AREL1: variants seen among roughly 807,000 people sequenced by gnomAD.
AREL1 encodes the protein apoptosis resistant E3 ubiquitin protein ligase 1.
In AREL1, 62 loss-of-function variants were observed where a neutral mutation model predicts 99.0. That is an observed-to-expected ratio of 0.63 (90% CI 0.51 to 0.77). The LOEUF (loss-of-function observed/expected upper bound fraction) is 0.77, where lower values mean the gene tolerates loss of function less well. AREL1 is among the 30% of genes least tolerant of loss of function. The probability of loss-of-function intolerance (pLI) is 0.00; values close to 1 mark genes in which losing one functional copy is unlikely to be tolerated. For missense variants in AREL1, 879 were observed against 1,027.6 expected (o/e 0.86, Z 1.98); for synonymous variants, 380 against 376.5 (o/e 1.01, Z -0.11).
chr14:74,685,984 C>T (rs1052903540), intron 2 of AREL1, among the ~76,000 whole-genome samples: 1 of 152,212 alleles, frequency 6.6e-6, no homozygotes, highest in South Asian at 2.1e-4. Flanking sequence ...CAGTTTCCCT[C>T]CCTCATGCAA....
At chr14:74,672,040 T>C (rs757574280) in intron 11 of AREL1, 19 of 454,104 alleles carry the variant, frequency 4.2e-5, no homozygotes, top group South Asian at 2.6e-4. Flanking sequence ...GTAAGAACTA[T>C]GCCAGTGTCT....
intron 5 of AREL1, among the ~76,000 whole-genome samples, chr14:74,681,192 A>G (rs1211755706): frequency 6.6e-6 from 1 of 152,098 alleles, no homozygotes; most frequent in Non-Finnish European, 1.5e-5. Flanking sequence ...TCTCAAAAAC[A>G]ACAAAACATT....
Position 74,680,999 on chromosome 14 carries a change from A to G in AREL1, c.481+2297T>C, listed in dbSNP as rs1005219280. ...GGAGTTAGAAACCAGCTTGGTTAAC[A>G]TAATGAGACTGTCTCTACAAAACAA... On this transcript the variant is annotated intron_variant, in intron 5 of 19. Coordinates refer to ENST00000356357, the MANE Select transcript of AREL1 (RefSeq NM_001039479.2). 6.6e-5 allele frequency among the ~76,000 whole-genome samples: 10 copies of G among 152,142 alleles called. No individual in the cohort carries two copies. In the East Asian group the frequency reaches 1.7e-3, roughly 26 times the overall value.
intron 1 of AREL1, among the ~76,000 whole-genome samples, chr14:74,704,256 A>G (rs1327870727): frequency 6.6e-6 from 1 of 152,160 alleles, no homozygotes; most frequent in Non-Finnish European, 1.5e-5. Context: ...GTCTCAGTTA[A>G]TTTAGAAAGT....
chr14:74,688,963 A>G (rs1209028808), intron 2 of AREL1, among the ~76,000 whole-genome samples: 1 of 150,902 alleles, frequency 6.6e-6, no homozygotes, highest in Non-Finnish European at 1.5e-5. Flanking sequence ...CAGCCTCCCG[A>G]GTAGCTGGGA....
At chr14:74,675,283 A>C (rs2089445352) in intron 8 of AREL1, among the ~76,000 whole-genome samples, 1 of 152,226 alleles carries the variant, frequency 6.6e-6, no homozygotes, top group Non-Finnish European at 1.5e-5. Flanking sequence ...GATTAAAGAG[A>C]TGCAATGGGA....
intron 1 of AREL1, among the ~76,000 whole-genome samples, chr14:74,693,627 G>T (rs1313802053): frequency 6.6e-6 from 1 of 152,154 alleles, no homozygotes; most frequent in Non-Finnish European, 1.5e-5. Context: ...TTTTACAGAT[G>T]AGGAAACTGG....
At position 74,690,112 on chromosome 14, in the gene AREL1, G is replaced by A. The variant is rs73301921; in HGVS notation, c.-46+1929C>T. Among the ~76,000 whole-genome samples the A allele has an allele frequency of 3.7e-3, 560 of 151,652 alleles. 5 individuals carry two copies. The highest frequency in any genetic ancestry group is 0.013 in the African/African-American group (533 of 41,400). On this transcript the variant is annotated intron_variant, in intron 2 of 19. Transcript: ENST00000356357. ...AAACTTGAAAACAAATTAGCTGGGC[G>A]TGCTGGCACACACCTATATCCAAGC...
chr14:74,690,870 C>T (rs1397737917), intron 2 of AREL1, among the ~76,000 whole-genome samples: 1 of 152,140 alleles, frequency 6.6e-6, no homozygotes, highest in African/African-American at 2.4e-5. Context: ...GCCTTCAGTG[C>T]TTTACATATG....
intron 11 of AREL1, 41 bp from the exon 12 acceptor site, chr14:74,671,524 C>T (rs377717041): frequency 7.4e-7 from 1 of 1,353,800 alleles, no homozygotes; most frequent in Non-Finnish European, 1.0e-6. Flanking sequence ...AGAACACTGG[C>T]TGGTGTCCTC....
chr14:74,681,662 A>G (rs1037974479), intron 5 of AREL1, among the ~76,000 whole-genome samples: 1 of 151,800 alleles, frequency 6.6e-6, no homozygotes, highest in African/African-American at 2.4e-5. Flanking sequence ...AATCCCAGCT[A>G]CTCAGCGTGA....
intron 17 of AREL1, among the ~76,000 whole-genome samples, chr14:74,666,808 C>T (rs2089220102): frequency 6.6e-6 from 1 of 151,508 alleles, no homozygotes; most frequent in Admixed American, 6.6e-5. Context: ...CAACTTCCGC[C>T]TCCGGGGTTC....
intron 5 of AREL1, among the ~76,000 whole-genome samples, chr14:74,677,092 C>T (rs2089502780): frequency 6.6e-6 from 1 of 151,982 alleles, no homozygotes; most frequent in Non-Finnish European, 1.5e-5. Flanking sequence ...AGCCACCACG[C>T]CCGGCTGGAA....
At chr14:74,710,800 G>A (rs2090266332) in intron 1 of AREL1, among the ~76,000 whole-genome samples, 2 of 152,336 alleles carry the variant, frequency 1.3e-5, no homozygotes, top group Non-Finnish European at 2.9e-5. Flanking sequence ...GTGCCTGAAA[G>A]AGAAAGGAGA....
intron 2 of AREL1, among the ~76,000 whole-genome samples, chr14:74,688,359 G>T (rs1223991577): frequency 1.3e-5 from 2 of 152,016 alleles, no homozygotes; most frequent in Non-Finnish European, 2.9e-5. Context: ...GTACAGGGAG[G>T]ACAAATTAGA....
At chr14:74,687,254 G>A (rs2089768895) in intron 2 of AREL1, among the ~76,000 whole-genome samples, 1 of 152,162 alleles carries the variant, frequency 6.6e-6, no homozygotes, top group Non-Finnish European at 1.5e-5. Flanking sequence ...AGTGCCAAAT[G>A]TATGGCTTGA....
rs1379463880 is a variant in AREL1, at chr14:74,673,065, G to C, written c.1300+12C>G. ...TCACTACCTTCCCTATAGAATCCCT[G>C]TGTAACCTCACCTATGTTCTTATGC... On this transcript the variant is annotated intron_variant, in intron 10 of 19. Coordinates refer to ENST00000356357, the MANE Select transcript of AREL1 (RefSeq NM_001039479.2). The C allele has an allele frequency of 6.2e-7, 1 of 1,614,110 alleles. No homozygotes were observed. Among genetic ancestry groups the C allele is most frequent in the African/African-American group, 1.3e-5 (1 of 75,022 alleles).
At position 74,676,627 on chromosome 14, in the gene AREL1, TG is replaced by T; in HGVS notation, c.606del (p.Met203CysfsTer3). Reference sequence around the variant, plus strand: ...TAATTGTGCTCATCTCTCAAGGACATGGAATTGTTGGTGGGATTATCATACT... The same window carrying T: ...TAATTGTGCTCATCTCTCAAGGACATGAATTGTTGGTGGGATTATCATACT... ...RDEYDNPTNN[S>X]MSLRDEHNYT... On this transcript the variant is annotated frameshift_variant, in exon 6 of 20. Transcript: ENST00000356357. LOFTEE classifies it high-confidence loss of function. 1 of 1,613,996 alleles carries T rather than the reference TG, an allele frequency of 6.2e-7. No individual in the cohort carries two copies. The highest frequency in any genetic ancestry group is 8.5e-7 in the Non-Finnish European group (1 of 1,179,974).
rs1344682335 is a variant in AREL1 at position 74,692,275 on chromosome 14, T to C, written c.-280A>G. 1.5e-5 allele frequency: 7 copies of C among 456,492 alleles called. No homozygotes were observed. The highest frequency in any genetic ancestry group is 3.1e-5 in the Non-Finnish European group (7 of 226,968). The allele number at this position is 456,492 out of a possible 1,614,324, so 28.3% of individuals were successfully genotyped here. On this transcript the variant is annotated 5_prime_UTR_variant, in exon 2 of 20. Transcript: ENST00000356357. ...ATACAGCCCAAGAATATATCATTCC[T>C]GGACTTCTCTCTAGTGCAGGGTGCA...
Sources: allele counts gnomAD v4.1 joint callset (sites outside exome capture counted in the v4.1 genomes callset), GRCh38; gene constraint gnomAD v4.1.1; transcripts MANE v1.5; gene names NCBI Gene and HGNC (gene_info 2026-07-23, HGNC 2026-07-21).